Variants in EIPR1 observed in about 807,000 individuals in gnomAD.
EIPR1 encodes EARP and GARP complex-interacting protein 1.
A neutral mutation model predicts 48.1 loss-of-function variants in EIPR1; 25 were observed. The ratio of observed to expected loss-of-function variants is 0.52; its 90% CI spans 0.38 to 0.73. The LOEUF is 0.73. EIPR1 is among the 30% of genes least tolerant of loss of function. EIPR1 has a pLI of 0.00. For missense variants in EIPR1, 415 were observed against 506.2 expected (o/e 0.82, Z 1.73); for synonymous variants, 204 against 201.9 (o/e 1.01, Z -0.09).
rs561731235 is a variant in EIPR1 at position 3,307,574 on chromosome 2, G to A, written c.259+30443C>T. ...GAGCCCCGCCCTGCCCACTACCTGCGCACAGCCTCAGGAGCAGCCCGGGCA... is the reference window on the plus strand; with the variant it reads ...GAGCCCCGCCCTGCCCACTACCTGCACACAGCCTCAGGAGCAGCCCGGGCA... On this transcript the variant is annotated intron_variant, in intron 3 of 8. Coordinates refer to ENST00000382125, the MANE Select transcript of EIPR1 (RefSeq NM_003310.5). Among the ~76,000 whole-genome samples, 25 of 152,284 alleles carry A rather than the reference G, an allele frequency of 1.6e-4. 1 individual carries two copies. The highest frequency in any genetic ancestry group is 4.1e-4 in the South Asian group (2 of 4,826).
In EIPR1 at chr2:3,314,301, C is replaced by T. The variant is rs549286178; in HGVS notation, c.259+23716G>A. 2.6e-5 allele frequency among the ~76,000 whole-genome samples: 4 copies of T among 152,290 alleles called. No individual in the cohort carries two copies. The South Asian group carries it at 6.2e-4, about 24-fold the overall frequency. On this transcript the variant is annotated intron_variant, in intron 3 of 8. Coordinates refer to ENST00000382125, the MANE Select transcript of EIPR1 (RefSeq NM_003310.5). The stretch of plus-strand genomic sequence containing the variant: ...GCTAATGCCAGCTGCCACTCAGCCC[C>T]CTTTCCTGAGGCCAGGGCTTGCTCG...
In EIPR1 at chr2:3,196,884, A is replaced by T. The variant is rs1310306749; in HGVS notation, c.650T>A (p.Met217Lys). ...TGCGCCGGGTGGGCTCACTGACCTC[A>T]TGCTCCGGGTGTCCCAGCCACGGAG... is the stretch of plus-strand genomic sequence containing the variant. ...TTLRGWDTRSMSQIYCIENAH... is the reference protein window; with the variant it reads ...TTLRGWDTRSKSQIYCIENAH... The change falls in exon 6 of 9, where the codon ATG becomes AAG. Residue 217 changes from methionine (M) to lysine (K), a missense_variant. Physicochemically the swap from Met to Lys is moderately conservative, Grantham distance 95 (BLOSUM62 -1). Transcript: ENST00000382125. 1.9e-6 allele frequency: 3 copies of T among 1,613,316 alleles called. No homozygotes were observed. The highest frequency in any genetic ancestry group is 2.5e-6 in the Non-Finnish European group (3 of 1,179,830).
intron 4 of EIPR1, among the ~76,000 whole-genome samples, chr2:3,246,811 G>GCTGCCACT (rs1666816077): frequency 1.6e-5 from 1 of 64,126 alleles, no homozygotes; most frequent in Non-Finnish European, 3.0e-5. Flanking sequence ...GAGGCAGGGA[G>GCTGCCACT]GGAGGGAGGG....
intron 3 of EIPR1, among the ~76,000 whole-genome samples, chr2:3,324,323 G>C (rs894303630): frequency 1.3e-5 from 2 of 152,174 alleles, no homozygotes; most frequent in African/African-American, 2.4e-5. Context: ...CAGAGCCCAT[G>C]ATGAGCAGCA....
intron 1 of EIPR1, among the ~76,000 whole-genome samples, chr2:3,373,665 T>C (rs1421526184): frequency 2.0e-5 from 3 of 152,114 alleles, no homozygotes; most frequent in Admixed American, 6.5e-5. Context: ...GGAATCCAAC[T>C]TGCAAGGCAC....
chr2:3,269,405 CT>C (rs1667611292), intron 3 of EIPR1, among the ~76,000 whole-genome samples: 1 of 127,048 alleles, frequency 7.9e-6, no homozygotes, highest in Non-Finnish European at 1.6e-5. Flanking sequence ...AGTCATCGCA[CT>C]CAATCATCGC....
intron 4 of EIPR1, among the ~76,000 whole-genome samples, chr2:3,243,075 A>G (rs965541031): frequency 4.6e-5 from 7 of 152,212 alleles, no homozygotes; most frequent in African/African-American, 1.7e-4. Flanking sequence ...GAAGTTTGAC[A>G]CTGGGTAACT....
chr2:3,347,344 G>A (rs1174159313), intron 2 of EIPR1, among the ~76,000 whole-genome samples: 2 of 152,174 alleles, frequency 1.3e-5, no homozygotes, highest in Admixed American at 6.5e-5. Flanking sequence ...CGAACCTGGT[G>A]GGAGACAATC....
intron 1 of EIPR1, among the ~76,000 whole-genome samples, chr2:3,368,503 G>T (rs1195623679): frequency 6.6e-6 from 1 of 152,036 alleles, no homozygotes; most frequent in Non-Finnish European, 1.5e-5. Flanking sequence ...TTAGTCACAT[G>T]CCTGCCCCCA....
At chr2:3,216,524 T>C (rs1665644583) in intron 4 of EIPR1, among the ~76,000 whole-genome samples, 1 of 151,974 alleles carries the variant, frequency 6.6e-6, no homozygotes, top group African/African-American at 2.4e-5. Context: ...GGATGAGAAC[T>C]AGCCAATCTG....
chr2:3,212,836 AAAT>A (rs1172890261), intron 5 of EIPR1, among the ~76,000 whole-genome samples: 1 of 152,224 alleles, frequency 6.6e-6, no homozygotes, highest in Non-Finnish European at 1.5e-5. Flanking sequence ...TTTGTCATGA[AAAT>A]AATAATTCTC....
intron 3 of EIPR1, among the ~76,000 whole-genome samples, chr2:3,308,134 G>A (rs148898687): frequency 6.6e-6 from 1 of 152,300 alleles, no homozygotes; most frequent in African/African-American, 2.4e-5. Flanking sequence ...CAGACTGTGG[G>A]GCTCTGACAG....
intron 5 of EIPR1, among the ~76,000 whole-genome samples, chr2:3,204,024 C>G (rs368759401): frequency 6.6e-5 from 10 of 152,362 alleles, no homozygotes; most frequent in African/African-American, 2.2e-4. Flanking sequence ...TGAGGTCACA[C>G]ACGTGGGCCG....
At chr2:3,356,878 C>T (rs1558318387) in intron 1 of EIPR1, among the ~76,000 whole-genome samples, 1 of 152,232 alleles carries the variant, frequency 6.6e-6, no homozygotes, top group Non-Finnish European at 1.5e-5. Flanking sequence ...ATTTTCCCCA[C>T]CCAAGTAACA....
chr2:3,282,919 G>A (rs1279768079), intron 3 of EIPR1: 5 of 152,280 alleles, frequency 3.3e-5, no homozygotes, highest in South Asian at 2.1e-4. Context: ...AATTAGCTTC[G>A]AGGAGGTGCT....
Position 3,193,971 on chromosome 2 carries a change from T to G in EIPR1, c.821+28A>C, listed in dbSNP as rs755143231. On this transcript the variant is annotated intron_variant, in intron 7 of 8. Transcript: ENST00000382125. ...CAAAATCAATTGCGTAATCCCCTCCTCCCTGAAGCAGCCAGGAGCGGCCCT... is the reference window on the plus strand; with the variant it reads ...CAAAATCAATTGCGTAATCCCCTCCGCCCTGAAGCAGCCAGGAGCGGCCCT... 6.2e-6 allele frequency: 10 copies of G among 1,611,376 alleles called. No individual in the cohort carries two copies. In the South Asian group the frequency reaches 6.6e-5, roughly 11 times the overall value.
rs1263043811 is a variant in EIPR1 at position 3,338,091 on chromosome 2, T to C, written c.185A>G (p.His62Arg). 2 of 1,613,176 alleles carry C rather than the reference T, an allele frequency of 1.2e-6. No individual in the cohort carries two copies. Among genetic ancestry groups the C allele is most frequent in the Non-Finnish European group, 1.7e-6 (2 of 1,179,858 alleles). ...NNIINKNVLLHQAGEIWHISA... is the reference protein window; with the variant it reads ...NNIINKNVLLRQAGEIWHISA... ...AATATGCCAGATTTCACCCGCTTGA[T>C]GGAGGAGGACATTTTTATTTATAAT... Residue 62 changes from histidine to arginine, a missense_variant, in exon 3 of 9, where the codon CAT becomes CGT. Physicochemically the swap from His to Arg is conservative, Grantham distance 29 (BLOSUM62 0). Coordinates refer to ENST00000382125, the MANE Select transcript of EIPR1 (RefSeq NM_003310.5).
intron 3 of EIPR1, among the ~76,000 whole-genome samples, chr2:3,262,353 C>T (rs973740342): frequency 3.3e-5 from 5 of 152,312 alleles, no homozygotes; most frequent in East Asian, 3.9e-4. Flanking sequence ...CTTGGCAAGA[C>T]GGCAGGAAAC....
At chr2:3,224,787 TG>T (rs2103154966) in intron 4 of EIPR1, among the ~76,000 whole-genome samples, 1 of 152,368 alleles carries the variant, frequency 6.6e-6, no homozygotes, top group Non-Finnish European at 1.5e-5. Context: ...GAGTCCCTGC[TG>T]GCAATGCCAC....
Sources: allele counts gnomAD v4.1 joint callset (sites outside exome capture counted in the v4.1 genomes callset), GRCh38; gene constraint gnomAD v4.1.1; transcripts MANE v1.5; gene names NCBI Gene and HGNC (gene_info 2026-07-23, HGNC 2026-07-21).